The following DDX31 variants were observed in gnomAD, a reference collection of about 807,000 sequenced individuals.
The protein encoded by DDX31 is ATP-dependent DNA helicase DDX31.
DDX31 carries 70 observed loss-of-function variants against 91.3 expected under a neutral mutation model. The ratio of observed to expected loss-of-function variants is 0.77; its 90% CI spans 0.63 to 0.94. The LOEUF is 0.94. DDX31 is among the 40% of genes least tolerant of loss of function. The pLI is 0.00. For missense variants in DDX31, 902 were observed against 925.0 expected, an observed-to-expected ratio of 0.98 and a Z score of 0.32; for synonymous variants, 362 against 350.6, an observed-to-expected ratio of 1.03 and a Z score of -0.36.
intron 18 of DDX31, among the ~76,000 whole-genome samples, chr9:132,618,120 T>C (rs529270565): frequency 4.6e-5 from 7 of 152,318 alleles, no homozygotes; most frequent in Non-Finnish European, 1.0e-4. Context: ...GTGCAAAACA[T>C]GGGGAAGGAT....
chr9:132,602,631 T>C (rs1365041019), intron 19 of DDX31, among the ~76,000 whole-genome samples: 2 of 152,184 alleles, frequency 1.3e-5, no homozygotes, highest in Admixed American at 6.5e-5. Flanking sequence ...CTTATAATCA[T>C]CTCTTCTCAA....
intron 14 of DDX31, among the ~76,000 whole-genome samples, chr9:132,632,980 C>T (rs1230698288): frequency 6.6e-6 from 1 of 152,166 alleles, no homozygotes; most frequent in Non-Finnish European, 1.5e-5. Flanking sequence ...TCAAGAATAA[C>T]AGTCGTAACA....
Position 132,595,768 on chromosome 9 carries a change from C to CA in DDX31, c.1995-657dup, listed in dbSNP as rs1830409320. Among the ~76,000 whole-genome samples, 1 of 152,212 alleles carries CA rather than the reference C, an allele frequency of 6.6e-6. No individual in the cohort carries two copies. Among genetic ancestry groups the CA allele is most frequent in the Non-Finnish European group, 1.5e-5 (1 of 68,028 alleles). The stretch of plus-strand genomic sequence containing the variant: ...GACCAGCAGCTTTCTGCAGCCCACA[C>CA]AAACCCGGGTGTTAGAGGGAGGTCT... On this transcript the variant is annotated intron_variant, in intron 19 of 19. Coordinates refer to ENST00000372159, the MANE Select transcript of DDX31 (RefSeq NM_022779.9). This position sits in a 1 kb window ranked among gnomAD's most constrained non-coding sequence, Gnocchi z 4.6.
At position 132,663,552 on chromosome 9, in the gene DDX31, C is replaced by A. The variant is rs1030596749; in HGVS notation, c.76-857G>T. The A allele has an allele frequency of 8.1e-6, 8 of 983,120 alleles. No homozygotes were observed. The African/African-American group carries it at 8.7e-5, about 11-fold the overall frequency. The allele number at this position is 983,120 out of a possible 1,614,324, so 60.9% of individuals were successfully genotyped here. ...CATCCAATTCCTCTATTTTCTTTGG[C>A]CTTCTTTTCTGATTTACAAATGAAT... On this transcript the variant is annotated intron_variant, in intron 1 of 19. Coordinates refer to ENST00000372159, the MANE Select transcript of DDX31 (RefSeq NM_022779.9).
chr9:132,598,911 T>A (rs1037674971), intron 19 of DDX31, among the ~76,000 whole-genome samples: 2 of 152,246 alleles, frequency 1.3e-5, no homozygotes, highest in African/African-American at 4.8e-5. Context: ...AACTGTTTCT[T>A]CCTAAGAGTT....
chr9:132,634,696 G>A (rs1417296221), intron 14 of DDX31, among the ~76,000 whole-genome samples: 1 of 148,356 alleles, frequency 6.7e-6, no homozygotes, highest in African/African-American at 2.5e-5. Flanking sequence ...GGGTTCAAGT[G>A]ATGCTCTGGC....
At chr9:132,617,798 C>T (rs1831741325) in intron 18 of DDX31, among the ~76,000 whole-genome samples, 1 of 152,176 alleles carries the variant, frequency 6.6e-6, no homozygotes, top group African/African-American at 2.4e-5. Flanking sequence ...GCCAACTTAT[C>T]CAACAAAGGG....
intron 17 of DDX31, among the ~76,000 whole-genome samples, chr9:132,622,864 C>T (rs1832129647): frequency 6.6e-6 from 1 of 152,212 alleles, no homozygotes; most frequent in African/African-American, 2.4e-5. Context: ...CGTGTGGTGG[C>T]TCATGCTTGT....
At chr9:132,660,110 T>C (rs1476741951) in intron 4 of DDX31, among the ~76,000 whole-genome samples, 1 of 151,620 alleles carries the variant, frequency 6.6e-6, no homozygotes, top group Non-Finnish European at 1.5e-5. Flanking sequence ...CTGAGGTGGG[T>C]GGATCACCTG....
intron 16 of DDX31, among the ~76,000 whole-genome samples, chr9:132,628,167 G>A (rs1044801399): frequency 1.3e-5 from 2 of 152,228 alleles, no homozygotes; most frequent in African/African-American, 2.4e-5. Context: ...GTCTGTTTAA[G>A]TTGATTACAG....
intron 6 of DDX31, among the ~76,000 whole-genome samples, chr9:132,654,525 A>C (rs973450747): frequency 3.9e-5 from 6 of 152,228 alleles, no homozygotes; most frequent in Admixed American, 2.6e-4. Context: ...AGACAGGAGA[A>C]TCTCTTGAAC....
intron 16 of DDX31, among the ~76,000 whole-genome samples, chr9:132,627,032 C>T (rs968826763): frequency 2.6e-5 from 4 of 151,898 alleles, no homozygotes; most frequent in Admixed American, 1.3e-4. Flanking sequence ...CCTGGCACCC[C>T]GAGGGAAGGT....
chr9:132,608,608 A>G (rs1315351144), intron 19 of DDX31, among the ~76,000 whole-genome samples: 1 of 152,202 alleles, frequency 6.6e-6, no homozygotes, highest in Non-Finnish European at 1.5e-5. Flanking sequence ...GTTTGCAGAT[A>G]TCACAGGTTT....
intron 19 of DDX31, among the ~76,000 whole-genome samples, chr9:132,604,861 T>C (rs566523162): frequency 3.2e-4 from 49 of 152,268 alleles, no homozygotes; most frequent in Middle Eastern, 3.4e-3. Flanking sequence ...CTAGGTGGGG[T>C]GGAGGCCCCA....
At chr9:132,663,080 A>T in intron 1 of DDX31, 1 of 944,476 alleles carries the variant, frequency 1.1e-6, no homozygotes, top group Non-Finnish European at 1.5e-6. Flanking sequence ...CTAGGAACCC[A>T]TTCACCCAAG....
chr9:132,613,314 T>G (rs1396222734), intron 18 of DDX31, among the ~76,000 whole-genome samples: 1 of 152,170 alleles, frequency 6.6e-6, no homozygotes, highest in African/African-American at 2.4e-5. Context: ...AACTACTAAG[T>G]CTCTAAAATA....
At chr9:132,607,720 C>T (rs576289845) in intron 19 of DDX31, among the ~76,000 whole-genome samples, 17 of 152,154 alleles carry the variant, frequency 1.1e-4, no homozygotes, top group Non-Finnish European at 1.8e-4. Context: ...ACTCTGTCAC[C>T]CACGCTGGAG....
At chr9:132,597,233 A>G (rs994727272) in intron 19 of DDX31, among the ~76,000 whole-genome samples, 1 of 152,104 alleles carries the variant, frequency 6.6e-6, no homozygotes, top group African/African-American at 2.4e-5. Context: ...CCCAGTGCGG[A>G]CCATGTGCAC....
intron 11 of DDX31, 54 bp downstream of exon 11, chr9:132,648,135 G>A: frequency 3.4e-6 from 5 of 1,452,970 alleles, no homozygotes; most frequent in Non-Finnish European, 4.7e-6. Flanking sequence ...TTAAATCTAG[G>A]TCCTTCCTCT....
Sources: allele counts gnomAD v4.1 joint callset (sites outside exome capture counted in the v4.1 genomes callset), GRCh38; gene constraint gnomAD v4.1.1; non-coding constraint Gnocchi (gnomAD v3.1); transcripts MANE v1.5; gene names NCBI Gene and HGNC (gene_info 2026-07-23, HGNC 2026-07-21).